Variants in CCNH observed in about 807,000 individuals in gnomAD.
CCNH encodes the protein cyclin-H.
A neutral mutation model predicts 41.9 loss-of-function variants in CCNH; 31 were observed. The ratio of observed to expected loss-of-function variants is 0.74; its 90% CI spans 0.56 to 1.00. The LOEUF is 1.00. Among genes scored for constraint, CCNH ranks in the 50% least tolerant of loss-of-function variants. The pLI, the probability that CCNH is intolerant of heterozygous loss-of-function variation, is 0.00. For missense variants in CCNH, 362 were observed against 388.4 expected (o/e 0.93, Z 0.57); for synonymous variants, 138 against 136.1 (o/e 1.01, Z -0.10).
At position 87,349,254 on chromosome 5, in the gene CCNH, T is replaced by TA; in HGVS notation, c.*91-30358dup. On this transcript the variant is annotated intron_variant and NMD_transcript_variant, in intron 9 of 9. Transcript: ENST00000645953. ...GTTTTCTTGTGAGGCCCTCAGATAA[T>TA]ACTCCTGGCGATTATTCACTTTATT... 6.2e-7 allele frequency: 1 copy of TA among 1,612,152 alleles called. No homozygotes were observed. The highest frequency in any genetic ancestry group is 1.1e-5 in the South Asian group (1 of 91,036).
downstream of CCNH, chr5:87,390,923 C>A: frequency 6.5e-7 from 1 of 1,543,126 alleles, no homozygotes; most frequent in Non-Finnish European, 9.0e-7. Context: ...TCAGCATGTC[C>A]AACATGGTAA....
At chr5:87,407,551 A>G (rs1285914743) in intron 4 of CCNH, among the ~76,000 whole-genome samples, 1 of 152,242 alleles carries the variant, frequency 6.6e-6, no homozygotes, top group Non-Finnish European at 1.5e-5. Context: ...ACCTCTAAAA[A>G]TATAAGTCAC....
In CCNH at chr5:87,412,843, G is replaced by A. The variant is rs201095306; in HGVS notation, c.-49C>T. On this transcript the variant is annotated 5_prime_UTR_variant, in exon 1 of 9. Coordinates refer to ENST00000256897, the MANE Select transcript of CCNH (RefSeq NM_001239.4). The stretch of plus-strand genomic sequence containing the variant: ...AGGGTCTGCAGACGAGAACCCAAAC[G>A]CATCAGCGTCCTGGCGTAAAACACC... The A allele has an allele frequency of 5.0e-6, 8 of 1,592,394 alleles. No homozygotes were observed. Among genetic ancestry groups the A allele is most frequent in the East Asian group, 4.5e-5 (2 of 44,274 alleles).
At chr5:87,348,342 T>C (rs1759011532) in intron 9 of CCNH, among the ~76,000 whole-genome samples, 1 of 152,028 alleles carries the variant, frequency 6.6e-6, no homozygotes, top group African/African-American at 2.4e-5. Flanking sequence ...TGTGCTTTCC[T>C]AAAAACAATC....
At chr5:87,318,402 A>G (rs774363943), downstream of CCNH, 1 of 152,212 alleles carries the variant, frequency 6.6e-6, no homozygotes, top group East Asian at 1.9e-4. Flanking sequence ...ATAAATAACT[A>G]CCTGAGACTG....
intron 9 of CCNH, among the ~76,000 whole-genome samples, chr5:87,344,819 A>G (rs1035000005): frequency 6.7e-4 from 99 of 147,994 alleles, no homozygotes; most frequent in African/African-American, 2.3e-3. Context: ...GCTCCTAGCT[A>G]TTTTTCTTTA....
rs201095306 is a variant in CCNH at position 87,412,843 on chromosome 5, G to C, written c.-49C>G. The C allele has an allele frequency of 6.9e-6, 11 of 1,592,394 alleles. No individual in the cohort carries two copies. Among genetic ancestry groups the C allele is most frequent in the South Asian group, 4.4e-5 (4 of 90,590 alleles). ...AGGGTCTGCAGACGAGAACCCAAAC[G>C]CATCAGCGTCCTGGCGTAAAACACC... On this transcript the variant is annotated 5_prime_UTR_variant, in exon 1 of 9. Transcript: ENST00000256897.
exon 1 of CCNH, chr5:87,376,998 T>C: frequency 6.2e-7 from 1 of 1,613,836 alleles, no homozygotes; most frequent in Non-Finnish European, 8.5e-7. Context: ...GCTTGAATCG[T>C]TGTTGTTATG....
At chr5:87,370,893 C>T (rs1311585152) in intron 9 of CCNH, among the ~76,000 whole-genome samples, 2 of 152,116 alleles carry the variant, frequency 1.3e-5, no homozygotes, top group Non-Finnish European at 2.9e-5. Context: ...GAGCTTACAA[C>T]TGAACGTCAT....
At chr5:87,401,164 T>G (rs1763377728) in intron 6 of CCNH, among the ~76,000 whole-genome samples, 1 of 152,236 alleles carries the variant, frequency 6.6e-6, no homozygotes, top group African/African-American at 2.4e-5. Flanking sequence ...GCTCCAGGGA[T>G]GAATCCATTC....
chr5:87,401,552 T>C lies in CCNH; in HGVS notation c.760+150A>G, dbSNP rs3093817. On this transcript the variant is annotated intron_variant, in intron 6 of 8. Transcript: ENST00000256897. ...ATACCTTCTATTTGTTCTAGACCAA[T>C]GTGTCTTTCATGCTTCCATAATACA... is the stretch of plus-strand genomic sequence containing the variant. 53 of 594,268 alleles carry C rather than the reference T, an allele frequency of 8.9e-5. No homozygotes were observed. The African/African-American group carries it at 9.7e-4, about 11-fold the overall frequency. The allele number at this position is 594,268 out of a possible 1,614,324, so 36.8% of individuals were successfully genotyped here.
At chr5:87,382,774 C>T (rs1761808116) in intron 9 of CCNH, among the ~76,000 whole-genome samples, 1 of 151,984 alleles carries the variant, frequency 6.6e-6, no homozygotes, top group Non-Finnish European at 1.5e-5. Context: ...CTTTAGAATT[C>T]CTAATGTCTT....
chr5:87,383,821 A>C (rs1481555827), intron 9 of CCNH: 1 of 1,511,032 alleles, frequency 6.6e-7, no homozygotes, highest in Non-Finnish European at 9.2e-7. Flanking sequence ...AAAATATTAG[A>C]ATTAACAGTT....
At position 87,344,180 on chromosome 5, in the gene CCNH, G is replaced by A. The variant is rs374862073; in HGVS notation, c.*91-25283C>T. 9.2e-5 allele frequency among the ~76,000 whole-genome samples: 14 copies of A among 152,108 alleles called. No homozygotes were observed. The East Asian group carries it at 2.3e-3, about 25-fold the overall frequency. On this transcript the variant is annotated intron_variant and NMD_transcript_variant, in intron 9 of 9. Coordinates refer to the CCNH transcript ENST00000645953. ...GATATTTAAAAATAACTAAAAGAGT[G>A]GAATTTGAATATGCCTAATACAAAG...
intron 9 of CCNH, among the ~76,000 whole-genome samples, chr5:87,386,193 C>T (rs745926758): frequency 6.6e-6 from 1 of 151,822 alleles, no homozygotes; most frequent in Admixed American, 6.6e-5. Flanking sequence ...ATGTCTTTAT[C>T]TTTGGAATTG....
chr5:87,349,595 A>C (rs1031832373), intron 9 of CCNH, among the ~76,000 whole-genome samples: 1 of 151,972 alleles, frequency 6.6e-6, no homozygotes, highest in African/African-American at 2.4e-5. Flanking sequence ...TTGTGATTTT[A>C]AAAATTAGAC....
intron 9 of CCNH, among the ~76,000 whole-genome samples, chr5:87,326,146 AT>A (rs1272226039): frequency 2.2e-4 from 34 of 151,824 alleles, no homozygotes; most frequent in Admixed American, 2.2e-3. Flanking sequence ...TAATTTTTGT[AT>A]TTTTTGTAGA....
exon 10 of CCNH, chr5:87,318,739 A>G (rs1309356810): frequency 6.6e-6 from 1 of 152,168 alleles, no homozygotes; most frequent in Non-Finnish European, 1.5e-5. Context: ...GCCAAACCAT[A>G]TCATTCTCCC....
downstream of CCNH, chr5:87,374,799 C>T (rs1761209266): frequency 6.2e-7 from 1 of 1,600,050 alleles, no homozygotes; most frequent in African/African-American, 1.3e-5. Context: ...TAGTTTGATG[C>T]CAAAACATTT....
Sources: gnomAD v4.1 joint callset for allele counts (sites outside exome capture counted in the v4.1 genomes callset) on GRCh38, gnomAD v4.1.1 for gene constraint, MANE v1.5 for transcripts, NCBI Gene and HGNC (gene_info 2026-07-23, HGNC 2026-07-21) for gene names.